Variants in CDH12 observed in about 807,000 individuals in gnomAD.
The protein encoded by CDH12 is cadherin 12, also known as cadherin-12.
A neutral mutation model predicts 74.1 loss-of-function variants in CDH12; 41 were observed. The ratio of observed to expected loss-of-function variants is 0.55; its 90% CI spans 0.43 to 0.72. The LOEUF (loss-of-function observed/expected upper bound fraction) is 0.72, where lower values mean the gene tolerates loss of function less well. CDH12 is among the 30% of genes least tolerant of loss of function. The pLI, the probability that CDH12 is intolerant of heterozygous loss-of-function variation, is 0.00. For missense variants in CDH12, 945 were observed against 977.2 expected, an observed-to-expected ratio of 0.97 and a Z score of 0.44; for synonymous variants, 399 against 355.0, an observed-to-expected ratio of 1.12 and a Z score of -1.39.
chr5:22,164,110 AG>A (rs1748523538), intron 4 of CDH12, among the ~76,000 whole-genome samples: 1 of 152,186 alleles, frequency 6.6e-6, no homozygotes, highest in Non-Finnish European at 1.5e-5. Context: ...TAGTGTTACC[AG>A]GGGTCCTTGC....
At chr5:22,401,201 A>C (rs1471240935) in intron 3 of CDH12, among the ~76,000 whole-genome samples, 1 of 152,180 alleles carries the variant, frequency 6.6e-6, no homozygotes, top group Non-Finnish European at 1.5e-5. Flanking sequence ...TGCACAAAAC[A>C]TGTACGAAAT....
intron 3 of CDH12, among the ~76,000 whole-genome samples, chr5:22,382,419 C>A (rs189068556): frequency 6.4e-4 from 97 of 151,846 alleles, no homozygotes; most frequent in African/African-American, 2.3e-3. Context: ...TGTCACAAGT[C>A]CCTGACTGTT....
intron 4 of CDH12, among the ~76,000 whole-genome samples, chr5:22,124,370 C>T (rs901838279): frequency 7.9e-5 from 12 of 151,924 alleles, no homozygotes; most frequent in Non-Finnish European, 1.3e-4. Flanking sequence ...GTGATCCGCA[C>T]GACTCGGCCT....
intron 1 of CDH12, among the ~76,000 whole-genome samples, chr5:22,829,183 A>T (rs1406191418): frequency 1.3e-5 from 2 of 152,182 alleles, no homozygotes; most frequent in Non-Finnish European, 2.9e-5. Flanking sequence ...CAAATTTTTA[A>T]TTCAGACATG....
At chr5:22,827,962 TA>T (rs1303312729) in intron 1 of CDH12, among the ~76,000 whole-genome samples, 2 of 152,152 alleles carry the variant, frequency 1.3e-5, no homozygotes, top group Non-Finnish European at 1.5e-5. Context: ...AAATACTTAA[TA>T]AAAATTATTT....
intron 1 of CDH12, among the ~76,000 whole-genome samples, chr5:22,717,049 C>A (rs1737573720): frequency 6.6e-6 from 1 of 151,954 alleles, no homozygotes; most frequent in Admixed American, 6.6e-5. Flanking sequence ...TTATAGGAAG[C>A]TAAAGTTAAT....
chr5:22,577,016 T>C (rs1419059454), intron 1 of CDH12, among the ~76,000 whole-genome samples: 2 of 152,100 alleles, frequency 1.3e-5, no homozygotes, highest in Non-Finnish European at 1.5e-5. Context: ...AAAAAGGAGA[T>C]TGCAAGACAG....
intron 4 of CDH12, among the ~76,000 whole-genome samples, chr5:22,147,114 T>C (rs373099558): frequency 4.6e-5 from 7 of 152,316 alleles, no homozygotes; most frequent in East Asian, 3.9e-4. Context: ...ATAATTAATA[T>C]ATTATTCTCC....
chr5:22,393,601 A>AGAATTTGG (rs142262273), intron 3 of CDH12, among the ~76,000 whole-genome samples: 6,262 of 152,210 alleles, frequency 0.041, 288 homozygotes, highest in East Asian at 0.12. Context: ...AAAGACTGGA[A>AGAATTTGG]GAATTTGGAG....
intron 1 of CDH12, among the ~76,000 whole-genome samples, chr5:22,740,656 TA>T (rs1408901221): frequency 6.6e-6 from 1 of 152,008 alleles, no homozygotes; most frequent in Admixed American, 6.6e-5. Flanking sequence ...GGAAAAGACA[TA>T]AAAAAACAGA....
intron 1 of CDH12, among the ~76,000 whole-genome samples, chr5:22,688,798 G>A (rs1347957492): frequency 6.6e-6 from 1 of 152,144 alleles, no homozygotes; most frequent in Non-Finnish European, 1.5e-5. Flanking sequence ...TGTATATTAT[G>A]AATTACTGAT....
At position 22,038,884 on chromosome 5, in the gene CDH12, C is replaced by T. The variant is rs138783683; in HGVS notation, c.231+39562G>A. Among the ~76,000 whole-genome samples the T allele has an allele frequency of 3.5e-3, 529 of 152,260 alleles. 1 individual carries two copies. The highest frequency in any genetic ancestry group is 0.012 in the African/African-American group (513 of 41,552). On this transcript the variant is annotated intron_variant, in intron 5 of 14. Transcript: ENST00000382254. Reference sequence around the variant, plus strand: ...ACACCAACTAGGCTAAAATGCCCTCCGATACAGGCCAAATGGTGCTAGTAC... The same window carrying T: ...ACACCAACTAGGCTAAAATGCCCTCTGATACAGGCCAAATGGTGCTAGTAC...
intron 2 of CDH12, among the ~76,000 whole-genome samples, chr5:22,499,666 G>T (rs1409872945): frequency 6.6e-6 from 1 of 152,160 alleles, no homozygotes; most frequent in Non-Finnish European, 1.5e-5. Context: ...AAATGGAAAA[G>T]ATGGTTATTC....
At chr5:22,300,470 A>T (rs1444875928) in intron 3 of CDH12, among the ~76,000 whole-genome samples, 1 of 152,182 alleles carries the variant, frequency 6.6e-6, no homozygotes, top group Non-Finnish European at 1.5e-5. Flanking sequence ...CAAAATCTTG[A>T]ACTATTCTGA....
intron 3 of CDH12, among the ~76,000 whole-genome samples, chr5:22,310,203 G>GTATTCCCTGCA (rs1161040526): frequency 6.6e-6 from 1 of 152,054 alleles, no homozygotes; most frequent in Non-Finnish European, 1.5e-5. Flanking sequence ...GTTCACGCCT[G>GTATTCCCTGCA]TATTCCCTGC....
intron 1 of CDH12, among the ~76,000 whole-genome samples, chr5:22,760,678 C>CAAAAAAAAA (rs11284255): frequency 1.4e-4 from 9 of 63,428 alleles, no homozygotes; most frequent in South Asian, 8.4e-4. Context: ...GACTCCGTCT[C>CAAAAAAAAA]AAAAAAAAAA....
At chr5:22,250,737 G>A (rs4460115) in intron 3 of CDH12, among the ~76,000 whole-genome samples, 149,331 of 152,324 alleles carry the variant, frequency 0.98, 73,271 homozygotes, top group East Asian at 1. Flanking sequence ...GACGTGAGGC[G>A]TGATCAGACA....
intron 1 of CDH12, among the ~76,000 whole-genome samples, chr5:22,764,385 T>A (rs1746391376): frequency 6.6e-6 from 1 of 151,974 alleles, no homozygotes; most frequent in Non-Finnish European, 1.5e-5. Context: ...AATTGTTGTC[T>A]TTTCCATATA....
At position 21,767,786 on chromosome 5, in the gene CDH12, C is replaced by T. The variant is rs138729987; in HGVS notation, c.1394-2687G>A. Among the ~76,000 whole-genome samples the T allele has an allele frequency of 8.8e-3, 1,332 of 151,660 alleles. 12 individuals are homozygous for T. The highest frequency in any genetic ancestry group is 0.014 in the Middle Eastern group (4 of 294). The stretch of plus-strand genomic sequence containing the variant: ...ACTTTCCATAATTAAACATTAAGAA[C>T]GTCACCTAATATTTTTAAGTGGCCA... On this transcript the variant is annotated intron_variant, in intron 11 of 14. Coordinates refer to ENST00000382254, the MANE Select transcript of CDH12 (RefSeq NM_004061.5).
Sources: gnomAD v4.1 joint callset for allele counts (sites outside exome capture counted in the v4.1 genomes callset) on GRCh38, gnomAD v4.1.1 for gene constraint, MANE v1.5 for transcripts, NCBI Gene and HGNC (gene_info 2026-07-23, HGNC 2026-07-21) for gene names.